The following PRRG1 variants were observed in gnomAD, a reference collection of about 807,000 sequenced individuals.
The protein encoded by PRRG1 is transmembrane gamma-carboxyglutamic acid protein 1.
In PRRG1, 5 loss-of-function variants were observed where a neutral mutation model predicts 11.8. The ratio of observed to expected loss-of-function variants is 0.42; its 90% CI spans 0.22 to 0.89. PRRG1 has a LOEUF of 0.89. Among genes scored for constraint, PRRG1 ranks in the 40% least tolerant of loss-of-function variants. The pLI is 0.28. For missense variants in PRRG1, 155 were observed against 166.1 expected (o/e 0.93, Z 0.37); for synonymous variants, 66 against 60.4 (o/e 1.09, Z -0.43).
Position 37,453,654 on chromosome X carries a change from T to A in PRRG1, c.*33T>A, listed in dbSNP as rs781925656. On this transcript the variant is annotated 3_prime_UTR_variant, in exon 4 of 4. Coordinates refer to ENST00000378628, the MANE Select transcript of PRRG1 (RefSeq NM_001142395.2). ...AACTTCTTTTTACTCTAATCATTTT[T>A]AAAATACTAATGGAAGAACTTTCTA... The A allele has an allele frequency of 7.1e-6, 8 of 1,125,468 alleles. No homozygotes were observed. Among genetic ancestry groups the A allele is most frequent in the Admixed American group, 3.0e-5 (1 of 33,161 alleles). 92.8% of individuals were successfully genotyped at this position (1,125,468 alleles called of 1,213,427 possible).
At position 37,431,931 on chromosome X, in the gene PRRG1, C is replaced by T. The variant is rs868912758; in HGVS notation, c.171+5931C>T. 1.1e-3 allele frequency among the ~76,000 whole-genome samples: 114 copies of T among 108,161 alleles called. 2 individuals are homozygous for T. The highest frequency in any genetic ancestry group is 3.7e-3 in the African/African-American group (109 of 29,550). 93.9% of individuals were successfully genotyped at this position (108,161 alleles called of 115,157 possible). On this transcript the variant is annotated intron_variant, in intron 3 of 3. Coordinates refer to ENST00000378628, the MANE Select transcript of PRRG1 (RefSeq NM_001142395.2). ...TACAGGTGCATGCCACCATGTCCGG[C>T]TTTATATACATATATATATATATTT...
chrX:37,442,464 T>A (rs1226616506), intron 3 of PRRG1, among the ~76,000 whole-genome samples: 1 of 86,440 alleles, frequency 1.2e-5, no homozygotes, highest in Non-Finnish European at 2.3e-5. Flanking sequence ...TGAGGTGGGG[T>A]AGGGTGGGGT....
At position 37,454,619 on chromosome X, in the gene PRRG1, A is replaced by G. The variant is rs1256748058; in HGVS notation, c.*998A>G. Reference sequence around the variant, plus strand: ...TGTCTTAATATTTTTATATAGGCTGATGTCTTTGCCTCAAGATTGTTAGGA... The same window carrying G: ...TGTCTTAATATTTTTATATAGGCTGGTGTCTTTGCCTCAAGATTGTTAGGA... On this transcript the variant is annotated 3_prime_UTR_variant, in exon 4 of 4. Coordinates refer to ENST00000378628, the MANE Select transcript of PRRG1 (RefSeq NM_001142395.2). 1.8e-5 allele frequency: 2 copies of G among 111,934 alleles called. No individual in the cohort carries two copies. The highest frequency in any genetic ancestry group is 6.5e-5 in the African/African-American group (2 of 30,728). 9.2% of individuals were successfully genotyped at this position (111,934 alleles called of 1,213,427 possible). A position where few individuals can be genotyped will look rare whatever the true frequency, so the allele number is the denominator to read the frequency against.
intron 2 of PRRG1, among the ~76,000 whole-genome samples, chrX:37,418,474 A>T (rs1375595289): frequency 5.3e-5 from 6 of 112,382 alleles, no homozygotes; most frequent in Admixed American, 3.8e-4. Context: ...GTACAGCAAC[A>T]TTTATACAAT....
intron 3 of PRRG1, among the ~76,000 whole-genome samples, chrX:37,439,888 C>T (rs1710789675): frequency 9.4e-6 from 1 of 106,050 alleles, no homozygotes; most frequent in African/African-American, 3.5e-5. Flanking sequence ...CAGCCTTCGC[C>T]TCCTGGATTT....
chrX:37,417,144 G>A (rs1184485957), intron 2 of PRRG1, among the ~76,000 whole-genome samples: 4 of 110,982 alleles, frequency 3.6e-5, no homozygotes, highest in African/African-American at 1.3e-4. Context: ...CTGTTATCTG[G>A]TATTTCATTG....
intron 3 of PRRG1, among the ~76,000 whole-genome samples, chrX:37,451,606 A>G (rs1556396592): frequency 9.0e-6 from 1 of 111,664 alleles, no homozygotes; most frequent in African/African-American, 3.3e-5. Context: ...CGAATCTTGC[A>G]TATTTTCATC....
chrX:37,421,203 T>C (rs1181127618), intron 2 of PRRG1, among the ~76,000 whole-genome samples: 1 of 112,218 alleles, frequency 8.9e-6, no homozygotes, highest in East Asian at 2.8e-4. Context: ...TTGAATAATA[T>C]ACTTATTTTG....
At chrX:37,429,564 T>C (rs782597285) in intron 3 of PRRG1, among the ~76,000 whole-genome samples, 17 of 111,856 alleles carry the variant, frequency 1.5e-4, no homozygotes, top group Non-Finnish European at 2.8e-4. Flanking sequence ...TGGACCTTAT[T>C]GTTCATATCA....
chrX:37,429,518 A>G (rs1428786095), intron 3 of PRRG1, among the ~76,000 whole-genome samples: 1 of 111,663 alleles, frequency 9.0e-6, no homozygotes, highest in African/African-American at 3.3e-5. Flanking sequence ...CCAGTTCCCA[A>G]CAAGTTCCTC....
chrX:37,371,874 C>T (rs186068247), intron 1 of PRRG1, among the ~76,000 whole-genome samples: 16 of 112,963 alleles, frequency 1.4e-4, no homozygotes, highest in African/African-American at 5.1e-4. Context: ...TAGTGTGAGC[C>T]GAGTGTAGCC....
chrX:37,443,653 T>C (rs1556394484), intron 3 of PRRG1, among the ~76,000 whole-genome samples: 1 of 112,219 alleles, frequency 8.9e-6, no homozygotes, highest in African/African-American at 3.2e-5. Context: ...TCAAATCAGC[T>C]TGTCCTGATG....
In PRRG1 at chrX:37,454,609, A is replaced by G. The variant is rs2146644038; in HGVS notation, c.*988A>G. The stretch of plus-strand genomic sequence containing the variant: ...TTGAAATTATTGTCTTAATATTTTT[A>G]TATAGGCTGATGTCTTTGCCTCAAG... On this transcript the variant is annotated 3_prime_UTR_variant, in exon 4 of 4. Coordinates refer to ENST00000378628, the MANE Select transcript of PRRG1 (RefSeq NM_001142395.2). The G allele has an allele frequency of 8.9e-6, 1 of 112,033 alleles. No homozygotes were observed. Among genetic ancestry groups the G allele is most frequent in the Non-Finnish European group, 1.9e-5 (1 of 53,278 alleles). The allele number at this position is 112,033 out of a possible 1,213,427, so 9.2% of individuals were successfully genotyped here. A position where few individuals can be genotyped will look rare whatever the true frequency, so the allele number is the denominator to read the frequency against.
intron 1 of PRRG1, among the ~76,000 whole-genome samples, chrX:37,404,294 C>T (rs370155905): frequency 9.0e-6 from 1 of 111,672 alleles, no homozygotes; most frequent in East Asian, 2.8e-4. Context: ...ATATCACTAC[C>T]CTGTTTAACT....
chrX:37,356,846 A>G, intron 1 of PRRG1, among the ~76,000 whole-genome samples: 1 of 111,476 alleles, frequency 9.0e-6, no homozygotes, highest in East Asian at 2.8e-4. Context: ...CTCCTGCACT[A>G]TCAGGACATC....
rs781802067 is a variant in PRRG1 at position 37,406,199 on chromosome X, T to C, written c.-41-10T>C. 9 of 1,206,825 alleles carry C rather than the reference T, an allele frequency of 7.5e-6. No individual in the cohort carries two copies. Among genetic ancestry groups the C allele is most frequent in the Middle Eastern group, 2.3e-4 (1 of 4,339 alleles). On this transcript the variant is annotated splice_polypyrimidine_tract_variant and intron_variant, in intron 1 of 3. Transcript: ENST00000378628. ...AATCTGACTGTGTGTATGTGCTCTGTTTTGTACAGGGAATCATCATCCAGG... is the reference window on the plus strand; with the variant it reads ...AATCTGACTGTGTGTATGTGCTCTGCTTTGTACAGGGAATCATCATCCAGG...
chrX:37,351,970 T>C (rs781832409), intron 1 of PRRG1, among the ~76,000 whole-genome samples: 27 of 112,557 alleles, frequency 2.4e-4, no homozygotes, highest in Non-Finnish European at 3.7e-4. Context: ...CTCTTCATGT[T>C]ACAGTTCCCT....
chrX:37,454,634 G>T lies in PRRG1; in HGVS notation c.*1013G>T, dbSNP rs1921283847. ...ATATAGGCTGATGTCTTTGCCTCAA[G>T]ATTGTTAGGAGGTAATTTTCCATTG... On this transcript the variant is annotated 3_prime_UTR_variant, in exon 4 of 4. Transcript: ENST00000378628. 1 of 111,846 alleles carries T rather than the reference G, an allele frequency of 8.9e-6. No individual in the cohort carries two copies. The highest frequency in any genetic ancestry group is 1.9e-5 in the Non-Finnish European group (1 of 53,231). The allele number at this position is 111,846 out of a possible 1,213,427, so 9.2% of individuals were successfully genotyped here. A position where few individuals can be genotyped will look rare whatever the true frequency, so the allele number is the denominator to read the frequency against.
intron 1 of PRRG1, among the ~76,000 whole-genome samples, chrX:37,399,978 A>G (rs1238299037): frequency 2.7e-5 from 3 of 111,672 alleles, no homozygotes; most frequent in Non-Finnish European, 3.8e-5. Flanking sequence ...CCAGATTCAT[A>G]AAGCAAGTCC....
Sources: gnomAD v4.1 joint callset for allele counts (sites outside exome capture counted in the v4.1 genomes callset) on GRCh38, gnomAD v4.1.1 for gene constraint, MANE v1.5 for transcripts, NCBI Gene and HGNC (gene_info 2026-07-23, HGNC 2026-07-21) for gene names.